PFKL: variants seen among roughly 807,000 people sequenced by gnomAD.
PFKL encodes ATP-dependent 6-phosphofructokinase, liver type.
A neutral mutation model predicts 92.1 loss-of-function variants in PFKL; 74 were observed. The observed-to-expected ratio is 0.80, with a 90% CI of 0.67 to 0.97. The LOEUF (loss-of-function observed/expected upper bound fraction) is 0.97. Ranked by LOEUF, PFKL falls within the 50% of genes least tolerant of loss-of-function variation. PFKL has a pLI of 0.00. For missense variants in PFKL, 1,028 were observed against 1,116.6 expected (o/e 0.92, Z 1.13); for synonymous variants, 494 against 456.4 (o/e 1.08, Z -1.05).
chr21:44,302,577 C>T (rs1328698144), intron 1 of PFKL, among the ~76,000 whole-genome samples: 1 of 152,206 alleles, frequency 6.6e-6, no homozygotes, highest in African/African-American at 2.4e-5. Flanking sequence ...AAGCCTGTGG[C>T]ATAGTGTGCC....
chr21:44,319,877 G>A (rs920900625), intron 11 of PFKL: 38 of 551,754 alleles, frequency 6.9e-5, no homozygotes, highest in African/African-American at 3.6e-4. Context: ...TGCTGCACGG[G>A]CTGGCGTGGC....
rs748849043 is a variant in PFKL, at chr21:44,321,846, G to A, written c.1309G>A (p.Asp437Asn). The A allele has an allele frequency of 1.0e-5, 16 of 1,566,158 alleles. No homozygotes were observed. Among genetic ancestry groups the A allele is most frequent in the African/African-American group, 1.4e-5 (1 of 73,342 alleles). ...TGGACACACAGTATACGTGGTGCAC[G>A]ATGGCTTCGAAGGCCTAGCCAAGGG... Reference protein sequence around the residue: ...SHGHTVYVVHDGFEGLAKGQV... With the variant: ...SHGHTVYVVHNGFEGLAKGQV... Residue 437 changes from aspartate to asparagine, a missense_variant, in exon 13 of 22, where the codon GAT (aspartate) becomes AAT (asparagine). Coordinates refer to ENST00000349048, the MANE Select transcript of PFKL (RefSeq NM_002626.6).
intron 12 of PFKL, chr21:44,321,513 G>T: frequency 4.6e-6 from 2 of 436,852 alleles, no homozygotes; most frequent in Non-Finnish European, 7.9e-6. Flanking sequence ...AGGGGGCCAG[G>T]CTTGCACCGT....
At chr21:44,325,652 CATGGGGCCCGAGGTG>C (rs940575526) in intron 19 of PFKL, 11 of 498,740 alleles carry the variant, frequency 2.2e-5, no homozygotes, top group East Asian at 1.0e-4. Context: ...GGTGGCTGGG[CATGGGGCCCGAGGTG>C]ATGGGGCCCG....
intron 7 of PFKL, 195 bp downstream of exon 7, chr21:44,314,216 T>C (rs752928723): frequency 7.4e-5 from 43 of 582,730 alleles, no homozygotes; most frequent in Non-Finnish European, 1.2e-4. Flanking sequence ...CCTGTGGTCC[T>C]GCCCCCAGTG....
rs2047024556 is a variant in PFKL at position 44,310,990 on chromosome 21, C to T, written c.160-16C>T. ...TGGGGTCCCCTATCTCATGCCTGCC[C>T]CACTCTTGATTTCAGGGCTATGAGG... On this transcript the variant is annotated splice_polypyrimidine_tract_variant and intron_variant, in intron 2 of 21. Coordinates refer to ENST00000349048, the MANE Select transcript of PFKL (RefSeq NM_002626.6). 1.2e-6 allele frequency: 2 copies of T among 1,607,932 alleles called. No homozygotes were observed. The highest frequency in any genetic ancestry group is 1.7e-5 in the Admixed American group (1 of 59,704).
intron 1 of PFKL, among the ~76,000 whole-genome samples, chr21:44,302,374 C>G (rs1291343405): frequency 6.6e-6 from 1 of 152,256 alleles, no homozygotes; most frequent in African/African-American, 2.4e-5. Context: ...GGAGGATGAT[C>G]TGGGGCGAGT....
chr21:44,319,293 A>G (rs1041292430), intron 10 of PFKL, 58 bp from the exon 11 acceptor site: 7 of 1,452,048 alleles, frequency 4.8e-6, no homozygotes, highest in Non-Finnish European at 6.8e-6. Flanking sequence ...ACAGGGCAGT[A>G]GCCATGGGTG....
Position 44,318,494 on chromosome 21 carries a change from G to A in PFKL, c.961G>A (p.Val321Met). 6.4e-7 allele frequency: 1 copy of A among 1,568,606 alleles called. No individual in the cohort carries two copies. Among genetic ancestry groups the A allele is most frequent in the Admixed American group, 1.8e-5 (1 of 57,058 alleles). Reference protein sequence around the residue: ...ILSSKMGMEAVMALLEATPDT... With the variant: ...ILSSKMGMEAMMALLEATPDT... ...GAGCAGCAAGATGGGCATGGAGGCG[G>A]TGATGGCGCTGCTGGAAGCCACGCC... is the stretch of plus-strand genomic sequence containing the variant. Residue 321 changes from valine to methionine, a missense_variant, in exon 10 of 22, where the codon GTG becomes ATG. By Grantham distance (21) the Val-to-Met change is conservative. Coordinates refer to ENST00000349048, the MANE Select transcript of PFKL (RefSeq NM_002626.6).
chr21:44,323,722 G>A (rs2047419537), intron 15 of PFKL, 44 bp from the exon 16 acceptor site: 1 of 1,576,290 alleles, frequency 6.3e-7, no homozygotes, highest in African/African-American at 1.4e-5. Context: ...GGCCCACCCT[G>A]GCCTCGGTGC....
intron 7 of PFKL, chr21:44,314,811 C>A (rs1602025168): frequency 6.6e-6 from 1 of 152,280 alleles, no homozygotes; most frequent in Non-Finnish European, 1.5e-5. Flanking sequence ...TTCGCCCACA[C>A]CCGACCATGC....
chr21:44,320,007 GCT>G, intron 11 of PFKL, 75 bp from the exon 12 acceptor site: 3 of 1,351,720 alleles, frequency 2.2e-6, no homozygotes, highest in Non-Finnish European at 3.2e-6. Context: ...AGCCTCCTGG[GCT>G]CTGTCACGGC....
chr21:44,326,656 G>C, intron 21 of PFKL, 59 bp from the exon 22 acceptor site: 1 of 1,566,876 alleles, frequency 6.4e-7, no homozygotes, highest in Admixed American at 1.8e-5. Context: ...TGGGGACGTG[G>C]CTGAAGAGCT....
intron 1 of PFKL, chr21:44,305,786 A>C: frequency 7.3e-7 from 1 of 1,366,384 alleles, no homozygotes. Context: ...TCCCCCGTTA[A>C]TGTCCCTCTC....
chr21:44,326,614 A>G (rs1789820022), intron 21 of PFKL, 101 bp from the exon 22 acceptor site: 2 of 1,333,578 alleles, frequency 1.5e-6, no homozygotes, highest in Non-Finnish European at 2.0e-6. Context: ...AGGGGCATGC[A>G]CAGGCTGCAG....
At chr21:44,320,276 G>C in intron 12 of PFKL, 129 bp downstream of exon 12, 1 of 736,400 alleles carries the variant, frequency 1.4e-6, no homozygotes, top group Non-Finnish European at 2.2e-6. Context: ...GCTGTGAGCT[G>C]GGAGGGTGGG....
intron 2 of PFKL, among the ~76,000 whole-genome samples, chr21:44,310,202 A>C (rs145784985): frequency 1.4e-3 from 212 of 152,346 alleles, no homozygotes; most frequent in African/African-American, 4.9e-3. Context: ...CCTCCCCTCA[A>C]ACAACAAGAA....
chr21:44,312,956 C>T (rs1440933333), intron 4 of PFKL, 22 bp from the exon 5 acceptor site: 1 of 1,610,362 alleles, frequency 6.2e-7, no homozygotes, highest in East Asian at 2.2e-5. Context: ...TCAGCCAGGT[C>T]CTCCTGCTGC....
chr21:44,303,227 T>C (rs2040824278), intron 1 of PFKL, among the ~76,000 whole-genome samples: 1 of 140,410 alleles, frequency 7.1e-6, no homozygotes, highest in Admixed American at 7.1e-5. Context: ...AGCGAGACTC[T>C]GTTGCAAAAA....
Sources: gnomAD v4.1 joint callset for allele counts (sites outside exome capture counted in the v4.1 genomes callset) on GRCh38, gnomAD v4.1.1 for gene constraint, MANE v1.5 for transcripts, NCBI Gene and HGNC (gene_info 2026-07-23, HGNC 2026-07-21) for gene names.